The following TENM1 variants were observed in gnomAD, a reference collection of about 807,000 sequenced individuals.
The protein encoded by TENM1 is teneurin-1.
TENM1 carries 35 observed loss-of-function variants against 174.8 expected under a neutral mutation model. The observed-to-expected ratio is 0.20, with a 90% CI of 0.15 to 0.27. The LOEUF is 0.27. Ranked by LOEUF, TENM1 falls within the 10% of genes least tolerant of loss-of-function variation. The probability of loss-of-function intolerance (pLI) is 1.00; values close to 1 mark genes in which losing one functional copy is unlikely to be tolerated. For synonymous variants in TENM1, 781 were observed against 798.7 expected (o/e 0.98, Z 0.37); for missense variants, 1,633 against 2,130.1 (o/e 0.77, Z 4.59).
the TENM1 span, among the ~76,000 whole-genome samples, chrX:125,182,307 G>A: frequency 1.8e-5 from 2 of 109,735 alleles, no homozygotes; most frequent in Non-Finnish European, 3.8e-5. Flanking sequence ...GGCCCACAGA[G>A]ATAACCAGGA....
chrX:124,423,663 A>G (rs1472796869), intron 23 of TENM1, among the ~76,000 whole-genome samples: 2 of 110,968 alleles, frequency 1.8e-5, no homozygotes, highest in Non-Finnish European at 3.8e-5. Context: ...GGGGAGGGGC[A>G]TCAGAGTTGA....
chrX:124,497,861 A>C (rs1253918902), intron 19 of TENM1, among the ~76,000 whole-genome samples: 2 of 111,863 alleles, frequency 1.8e-5, no homozygotes, highest in Admixed American at 1.9e-4. Context: ...CAGTGCAGGA[A>C]ATAGAGATAC....
chrX:124,712,778 G>A (rs1057042285), intron 4 of TENM1, among the ~76,000 whole-genome samples: 1 of 111,738 alleles, frequency 8.9e-6, no homozygotes, highest in Non-Finnish European at 1.9e-5. Context: ...CACCGCACCC[G>A]CCCTTGAACA....
At chrX:124,747,146 T>A (rs2053938504) in intron 3 of TENM1, among the ~76,000 whole-genome samples, 1 of 96,334 alleles carries the variant, frequency 1.0e-5, no homozygotes, top group Non-Finnish European at 2.0e-5. Flanking sequence ...AGCAAGACTA[T>A]TTCAATAAAT....
chrX:125,047,488 G>A, the TENM1 span, among the ~76,000 whole-genome samples: 2 of 111,280 alleles, frequency 1.8e-5, no homozygotes, highest in Non-Finnish European at 1.9e-5. Flanking sequence ...CCAAATATCT[G>A]GCCAGGTTAA....
At chrX:125,032,598 TACTACC>T in the TENM1 span, among the ~76,000 whole-genome samples, 1 of 111,594 alleles carries the variant, frequency 9.0e-6, no homozygotes, top group East Asian at 2.9e-4. Context: ...TCTTGCTTAC[TACTACC>T]TATTCAAACA....
the TENM1 span, among the ~76,000 whole-genome samples, chrX:125,164,562 T>C: frequency 8.9e-6 from 1 of 112,055 alleles, no homozygotes; most frequent in Non-Finnish European, 1.9e-5. Flanking sequence ...AAGGATAACA[T>C]TTGAAATGTC....
chrX:125,189,642 G>A, the TENM1 span, among the ~76,000 whole-genome samples: 1 of 111,679 alleles, frequency 9.0e-6, no homozygotes, highest in Non-Finnish European at 1.9e-5. Context: ...ACTTCCTTCA[G>A]TTCTCAGCCT....
At chrX:124,593,071 G>T (rs1324165231) in intron 11 of TENM1, among the ~76,000 whole-genome samples, 1 of 111,594 alleles carries the variant, frequency 9.0e-6, no homozygotes, top group Non-Finnish European at 1.9e-5. Context: ...CAGCCCTAGG[G>T]TTGTGGGGGA....
intron 11 of TENM1, among the ~76,000 whole-genome samples, chrX:124,606,467 T>C (rs1187487906): frequency 8.9e-6 from 1 of 111,849 alleles, no homozygotes; most frequent in East Asian, 2.8e-4. Flanking sequence ...ATTTTCCATG[T>C]GACATTGGAC....
chrX:124,712,540 G>A (rs5910107), intron 4 of TENM1, among the ~76,000 whole-genome samples: 4,947 of 110,459 alleles, frequency 0.045, 120 homozygotes, highest in Non-Finnish European at 0.071. Flanking sequence ...GGAGTGCAGT[G>A]GCACAATCTC....
At chrX:125,035,173 G>A in the TENM1 span, among the ~76,000 whole-genome samples, 6 of 110,912 alleles carry the variant, frequency 5.4e-5, no homozygotes, top group African/African-American at 9.8e-5. Flanking sequence ...TGGAAGTATC[G>A]GGAAGTGAGT....
At chrX:124,665,714 A>G (rs1286146534) in intron 6 of TENM1, among the ~76,000 whole-genome samples, 1 of 112,202 alleles carries the variant, frequency 8.9e-6, no homozygotes, top group Non-Finnish European at 1.9e-5. Context: ...CAGATAAGTT[A>G]GCCTTGTGTT....
the TENM1 span, among the ~76,000 whole-genome samples, chrX:125,150,338 C>T: frequency 1.1e-4 from 12 of 111,934 alleles, no homozygotes; most frequent in Non-Finnish European, 1.5e-4. Context: ...ATTGAAAATG[C>T]TAAGATAAAT....
At chrX:124,698,892 T>C (rs924637232) in intron 5 of TENM1, among the ~76,000 whole-genome samples, 2 of 111,658 alleles carry the variant, frequency 1.8e-5, no homozygotes, top group South Asian at 3.7e-4. Context: ...CACCTGTTAG[T>C]GTTGACTATG....
chrX:124,593,948 C>T lies in TENM1; in HGVS notation c.2078-28388G>A, dbSNP rs185702260. Among the ~76,000 whole-genome samples, 505 of 112,361 alleles carry T rather than the reference C, an allele frequency of 4.5e-3. 2 individuals are homozygous for T. The highest frequency in any genetic ancestry group is 0.015 in the African/African-American group (478 of 30,944). On this transcript the variant is annotated intron_variant, in intron 11 of 31. Transcript: ENST00000422452. ...CAATCTCTGGCCTGAGGCTAAAATG[C>T]TTGTGTGGCCACACTTCTAGGTTGC...
intron 23 of TENM1, among the ~76,000 whole-genome samples, chrX:124,429,273 T>A (rs139993371): frequency 8.9e-6 from 1 of 111,966 alleles, no homozygotes; most frequent in African/African-American, 3.2e-5. Flanking sequence ...ATGAGTTGAG[T>A]GATTTATCTT....
At chrX:124,479,676 C>A (rs1010198394) in intron 22 of TENM1, among the ~76,000 whole-genome samples, 6 of 111,218 alleles carry the variant, frequency 5.4e-5, no homozygotes, top group Admixed American at 9.5e-5. Flanking sequence ...AGGTTGAATG[C>A]AGTAGTTGAG....
In TENM1 at chrX:124,381,201, G is replaced by A. The variant is rs774434990; in HGVS notation, c.7534C>T (p.Arg2512Trp). ...GGTTGCTTCCCTCCTTCAAGGCACC[G>A]TCCATCATTGTATCGGGGAGTCATA... Residue 2512 changes from arginine to tryptophan, a missense_variant, in exon 32 of 32, where the codon CGG becomes TGG. Physicochemically the swap from Arg to Trp is moderately radical, Grantham distance 101 (BLOSUM62 -3). Coordinates refer to ENST00000422452, the Ensembl canonical transcript of TENM1. The A allele has an allele frequency of 1.7e-5, 21 of 1,206,347 alleles. No homozygotes were observed. Among genetic ancestry groups the A allele is most frequent in the South Asian group, 5.3e-5 (3 of 56,815 alleles).
Sources: allele counts gnomAD v4.1 joint callset (sites outside exome capture counted in the v4.1 genomes callset), GRCh38; gene constraint gnomAD v4.1.1; transcripts MANE v1.5; gene names NCBI Gene and HGNC (gene_info 2026-07-23, HGNC 2026-07-21).